Variants in CDK14 observed in about 807,000 individuals in gnomAD.
CDK14 encodes cyclin-dependent kinase 14.
A neutral mutation model predicts 60.7 loss-of-function variants in CDK14; 34 were observed. The ratio of observed to expected loss-of-function variants is 0.56; its 90% CI spans 0.43 to 0.75. The LOEUF (loss-of-function observed/expected upper bound fraction) is 0.75. Among genes scored for constraint, CDK14 ranks in the 30% least tolerant of loss-of-function variants. CDK14 has a pLI of 0.00. For missense variants in CDK14, 482 were observed against 564.1 expected, an observed-to-expected ratio of 0.85 and a Z score of 1.47; for synonymous variants, 197 against 203.7, an observed-to-expected ratio of 0.97 and a Z score of 0.28.
At chr7:91,116,463 C>A (rs1243511598) in intron 13 of CDK14, among the ~76,000 whole-genome samples, 1 of 152,198 alleles carries the variant, frequency 6.6e-6, no homozygotes, top group Non-Finnish European at 1.5e-5. Context: ...GCACAGTAGT[C>A]TCCAGGGACC....
chr7:91,102,605 A>G (rs1799175371), intron 12 of CDK14, among the ~76,000 whole-genome samples: 1 of 151,188 alleles, frequency 6.6e-6, no homozygotes, highest in South Asian at 2.1e-4. Context: ...GGAGTCTTTT[A>G]GAACTATAGT....
At chr7:91,068,254 G>A (rs1019427562) in intron 11 of CDK14, among the ~76,000 whole-genome samples, 1 of 152,162 alleles carries the variant, frequency 6.6e-6, no homozygotes, top group Non-Finnish European at 1.5e-5. Context: ...ACATTTGTTG[G>A]TAAGCCCTTT....
In CDK14 at chr7:90,671,756, T is replaced by C. The variant is rs536764298; in HGVS notation, c.124-54811T>C. Among the ~76,000 whole-genome samples, 5 of 152,352 alleles carry C rather than the reference T, an allele frequency of 3.3e-5. No individual in the cohort carries two copies. The East Asian group carries it at 9.6e-4, about 29-fold the overall frequency. ...TCAATGGAATTGTTTCTAATGAATT[T>C]TATGACTGTTGTGGTTATGAAACTT... On this transcript the variant is annotated intron_variant, in intron 2 of 14. Coordinates refer to ENST00000380050, the MANE Select transcript of CDK14 (RefSeq NM_001287135.2).
At chr7:91,023,729 C>T (rs1021256034) in intron 10 of CDK14, among the ~76,000 whole-genome samples, 3 of 152,056 alleles carry the variant, frequency 2.0e-5, no homozygotes, top group African/African-American at 4.8e-5. Context: ...TCCCATATTC[C>T]ATAAAAGGAA....
intron 12 of CDK14, among the ~76,000 whole-genome samples, chr7:91,111,305 AAGG>A (rs1484059181): frequency 2.6e-5 from 4 of 152,078 alleles, no homozygotes; most frequent in Admixed American, 2.6e-4. Context: ...TGAGGAGGGG[AAGG>A]AGGAGATTGT....
chr7:90,999,581 T>A (rs1298303244), intron 10 of CDK14, among the ~76,000 whole-genome samples: 1 of 152,022 alleles, frequency 6.6e-6, no homozygotes, highest in Non-Finnish European at 1.5e-5. Flanking sequence ...AGAGCGAGAC[T>A]CTGTCACAAA....
At chr7:90,711,188 G>C (rs1802046791) in intron 2 of CDK14, among the ~76,000 whole-genome samples, 2 of 151,936 alleles carry the variant, frequency 1.3e-5, no homozygotes. Context: ...CTGATTAGTT[G>C]ATAGGCTAAT....
At chr7:91,129,482 G>A (rs1800055975) in intron 14 of CDK14, among the ~76,000 whole-genome samples, 1 of 152,116 alleles carries the variant, frequency 6.6e-6, no homozygotes, top group Non-Finnish European at 1.5e-5. Context: ...ATTTCCACTG[G>A]ATACCTAGTT....
At chr7:90,951,514 T>C (rs779714650) in intron 8 of CDK14, among the ~76,000 whole-genome samples, 29 of 152,222 alleles carry the variant, frequency 1.9e-4, no homozygotes, top group Non-Finnish European at 3.5e-4. Context: ...CTCAATTCTT[T>C]AGTCAAAGCA....
At chr7:90,619,125 G>A (rs536953304) in intron 2 of CDK14, among the ~76,000 whole-genome samples, 6 of 152,272 alleles carry the variant, frequency 3.9e-5, no homozygotes, top group African/African-American at 1.4e-4. Flanking sequence ...GACTGGTGGC[G>A]GTGAGTGTGA....
chr7:90,850,327 A>G (rs192167735), intron 5 of CDK14, among the ~76,000 whole-genome samples: 5 of 152,292 alleles, frequency 3.3e-5, no homozygotes, highest in East Asian at 3.9e-4. Flanking sequence ...GCGTTATTCA[A>G]TCAGCACTTA....
chr7:90,642,370 G>A (rs952124691), intron 2 of CDK14, among the ~76,000 whole-genome samples: 1 of 152,094 alleles, frequency 6.6e-6, no homozygotes, highest in Non-Finnish European at 1.5e-5. Context: ...GTAAGTTAAT[G>A]TGGGATACTT....
intron 2 of CDK14, among the ~76,000 whole-genome samples, chr7:90,662,755 T>C (rs1219339151): frequency 1.3e-5 from 2 of 152,202 alleles, no homozygotes; most frequent in Non-Finnish European, 2.9e-5. Flanking sequence ...AGCTCATTTA[T>C]AAGAGAGGAA....
intron 14 of CDK14, among the ~76,000 whole-genome samples, chr7:91,193,080 C>G (rs1486553627): frequency 1.3e-5 from 2 of 152,208 alleles, no homozygotes; most frequent in Non-Finnish European, 2.9e-5. Context: ...CAAGGTGTCT[C>G]TAGATCATGC....
At chr7:91,204,410 GA>G (rs36085776) in intron 14 of CDK14, among the ~76,000 whole-genome samples, 22,707 of 150,060 alleles carry the variant, frequency 0.15, 1,824 homozygotes, top group East Asian at 0.29. Flanking sequence ...AGCAACAAAA[GA>G]AAAAAAAAGA....
At chr7:91,013,174 A>G (rs1448852549) in intron 10 of CDK14, among the ~76,000 whole-genome samples, 2 of 152,182 alleles carry the variant, frequency 1.3e-5, no homozygotes, top group East Asian at 1.9e-4. Context: ...CTGAACCCCA[A>G]ATTTCTTTTT....
intron 4 of CDK14, among the ~76,000 whole-genome samples, chr7:90,782,011 A>G (rs1584886942): frequency 1.3e-5 from 2 of 152,174 alleles, no homozygotes; most frequent in Non-Finnish European, 2.9e-5. Flanking sequence ...CTTGGGCAGT[A>G]TGGCCATTTT....
At position 91,210,380 on chromosome 7, in the gene CDK14, C is replaced by T. The variant is rs1324984771; in HGVS notation, c.*3244C>T. 6.6e-6 allele frequency: 1 copy of T among 151,696 alleles called. No individual in the cohort carries two copies. The highest frequency in any genetic ancestry group is 1.5e-5 in the Non-Finnish European group (1 of 67,926). 9.4% of individuals were successfully genotyped at this position (151,696 alleles called of 1,614,324 possible). The stretch of plus-strand genomic sequence containing the variant: ...ATGCACTGAGATGTGTACTTTCTAA[C>T]AGGGGATTGGTACCTAAGAAATGTG... On this transcript the variant is annotated 3_prime_UTR_variant, in exon 15 of 15. Coordinates refer to ENST00000380050, the MANE Select transcript of CDK14 (RefSeq NM_001287135.2).
At chr7:90,882,268 A>G (rs1791785316) in intron 6 of CDK14, among the ~76,000 whole-genome samples, 1 of 151,338 alleles carries the variant, frequency 6.6e-6, no homozygotes. Flanking sequence ...AAAGCAAAAA[A>G]AAAAAAAAAA....
Sources: gnomAD v4.1 joint callset for allele counts (sites outside exome capture counted in the v4.1 genomes callset) on GRCh38, gnomAD v4.1.1 for gene constraint, MANE v1.5 for transcripts, NCBI Gene and HGNC (gene_info 2026-07-23, HGNC 2026-07-21) for gene names.